The following KHDRBS3 variants were observed in gnomAD, a reference collection of about 807,000 sequenced individuals.
KHDRBS3 encodes KH domain-containing, RNA-binding, signal transduction-associated protein 3.
KHDRBS3 carries 23 observed loss-of-function variants against 45.6 expected under a neutral mutation model. The observed-to-expected ratio is 0.50, with a 90% CI of 0.36 to 0.72. The LOEUF (loss-of-function observed/expected upper bound fraction) is 0.72, where lower values mean the gene tolerates loss of function less well. Ranked by LOEUF, KHDRBS3 falls within the 30% of genes least tolerant of loss-of-function variation. KHDRBS3 has a pLI of 0.00. For synonymous variants in KHDRBS3, 162 were observed against 156.5 expected, an observed-to-expected ratio of 1.04 and a Z score of -0.26; for missense variants, 352 against 424.8, an observed-to-expected ratio of 0.83 and a Z score of 1.51.
chr8:135,542,355 T>A (rs952625362), intron 2 of KHDRBS3: 5 of 296,938 alleles, frequency 1.7e-5, no homozygotes, highest in Admixed American at 1.4e-4. Flanking sequence ...ATATTTAACG[T>A]GTGCTGAAAC....
chr8:135,582,800 G>A (rs1270162731), intron 6 of KHDRBS3, among the ~76,000 whole-genome samples: 1 of 152,230 alleles, frequency 6.6e-6, no homozygotes, highest in Non-Finnish European at 1.5e-5. Flanking sequence ...GCAAGTATCA[G>A]TAGGTTTTCA....
chr8:135,646,690 G>A (rs765649091), intron 8 of KHDRBS3, among the ~76,000 whole-genome samples: 1 of 152,142 alleles, frequency 6.6e-6, no homozygotes, highest in Non-Finnish European at 1.5e-5. Context: ...TGCTACTTGA[G>A]CTTGTAAACT....
chr8:135,525,745 T>C (rs1825148763), intron 2 of KHDRBS3, among the ~76,000 whole-genome samples: 1 of 152,218 alleles, frequency 6.6e-6, no homozygotes, highest in Non-Finnish European at 1.5e-5. Flanking sequence ...TGATTCTTTG[T>C]GCTCAATATG....
chr8:135,550,847 A>G (rs1407008292), intron 4 of KHDRBS3, among the ~76,000 whole-genome samples: 5 of 152,162 alleles, frequency 3.3e-5, no homozygotes, highest in Non-Finnish European at 5.9e-5. Context: ...GAGTTTTCCA[A>G]TCCAGGAACA....
At chr8:135,605,646 A>ACATACATATT (rs1829425075) in intron 6 of KHDRBS3, among the ~76,000 whole-genome samples, 1 of 152,208 alleles carries the variant, frequency 6.6e-6, no homozygotes, top group Non-Finnish European at 1.5e-5. Context: ...GCCCTGCAGA[A>ACATACATATT]CATACATATT....
chr8:135,605,455 C>T (rs72732394), intron 6 of KHDRBS3, among the ~76,000 whole-genome samples: 24,586 of 151,976 alleles, frequency 0.16, 2,984 homozygotes, highest in East Asian at 0.53. Flanking sequence ...TATTATACTT[C>T]GCAACTTAAG....
At chr8:135,570,175 A>T (rs1827634562) in intron 5 of KHDRBS3, among the ~76,000 whole-genome samples, 1 of 152,154 alleles carries the variant, frequency 6.6e-6, no homozygotes, top group South Asian at 2.1e-4. Flanking sequence ...TGTTATTTTG[A>T]TAATATAAAA....
chr8:135,486,689 T>G (rs895198999), intron 1 of KHDRBS3, among the ~76,000 whole-genome samples: 1 of 152,228 alleles, frequency 6.6e-6, no homozygotes, highest in Admixed American at 6.5e-5. Context: ...TATTTAGATA[T>G]GTATGTCTTG....
At position 135,459,866 on chromosome 8, in the gene KHDRBS3, T is replaced by G. The variant is rs548379736; in HGVS notation, c.88+1912T>G. Reference sequence around the variant, plus strand: ...GGGAAATGTTGCCATTTAGTGTTTTTTAGGTATTCAACTTGATAAACTTAC... The same window carrying G: ...GGGAAATGTTGCCATTTAGTGTTTTGTAGGTATTCAACTTGATAAACTTAC... On this transcript the variant is annotated intron_variant, in intron 1 of 8. Transcript: ENST00000355849. 3.5e-4 allele frequency among the ~76,000 whole-genome samples: 53 copies of G among 152,350 alleles called. 1 individual carries two copies. In the South Asian group the frequency reaches 9.5e-3, roughly 27 times the overall value.
intron 1 of KHDRBS3, among the ~76,000 whole-genome samples, chr8:135,466,578 A>G (rs1001442318): frequency 1.3e-5 from 2 of 152,204 alleles, no homozygotes; most frequent in Admixed American, 1.3e-4. Context: ...GAATATATAA[A>G]TCAAATTCCC....
At chr8:135,635,499 T>A (rs1212272533) in intron 7 of KHDRBS3, among the ~76,000 whole-genome samples, 1 of 152,232 alleles carries the variant, frequency 6.6e-6, no homozygotes, top group Non-Finnish European at 1.5e-5. Flanking sequence ...TTCTCCTGCC[T>A]CAGCCTCCCG....
chr8:135,540,581 A>G (rs1168753055), intron 2 of KHDRBS3: 1 of 152,270 alleles, frequency 6.6e-6, no homozygotes, highest in Non-Finnish European at 1.5e-5. Flanking sequence ...AGGGTGAGAT[A>G]TCACACTGAA....
intron 1 of KHDRBS3, among the ~76,000 whole-genome samples, chr8:135,511,804 C>T (rs566673425): frequency 2.6e-5 from 4 of 152,140 alleles, no homozygotes; most frequent in African/African-American, 7.2e-5. Flanking sequence ...GTAATCCGCC[C>T]GTCTCGGCCT....
At chr8:135,492,718 A>C (rs1376579364) in intron 1 of KHDRBS3, among the ~76,000 whole-genome samples, 3 of 152,026 alleles carry the variant, frequency 2.0e-5, no homozygotes, top group African/African-American at 7.2e-5. Flanking sequence ...TAAGTTCTTG[A>C]AATCAAGTAG....
chr8:135,552,524 C>A (rs1015684313), intron 4 of KHDRBS3, among the ~76,000 whole-genome samples: 1 of 152,096 alleles, frequency 6.6e-6, no homozygotes, highest in East Asian at 1.9e-4. Context: ...GTATAGGTCA[C>A]GTTTTCCTGT....
At chr8:135,613,633 C>T (rs576284140) in intron 7 of KHDRBS3, among the ~76,000 whole-genome samples, 40 of 151,718 alleles carry the variant, frequency 2.6e-4, no homozygotes, top group Middle Eastern at 3.4e-3. Context: ...CTACGAAGAG[C>T]AGGTTCTGGG....
intron 4 of KHDRBS3, among the ~76,000 whole-genome samples, chr8:135,654,894 T>C (rs1831501161): frequency 6.6e-6 from 1 of 152,200 alleles, no homozygotes; most frequent in Admixed American, 6.5e-5. Context: ...CTCCCATTTC[T>C]TCAAGATCTT....
chr8:135,653,598 C>T (rs535859171), intron 4 of KHDRBS3, among the ~76,000 whole-genome samples: 19 of 152,186 alleles, frequency 1.2e-4, no homozygotes, highest in Non-Finnish European at 2.4e-4. Flanking sequence ...ACTTTGAGTA[C>T]AGCATTCAAA....
At chr8:135,477,229 CTA>C (rs1822337120) in intron 1 of KHDRBS3, among the ~76,000 whole-genome samples, 1 of 151,986 alleles carries the variant, frequency 6.6e-6, no homozygotes. Flanking sequence ...GATAATAAAA[CTA>C]AGCCTGAGAA....
Sources: allele counts gnomAD v4.1 joint callset (sites outside exome capture counted in the v4.1 genomes callset), GRCh38; gene constraint gnomAD v4.1.1; transcripts MANE v1.5; gene names NCBI Gene and HGNC (gene_info 2026-07-23, HGNC 2026-07-21).